Variants in CCNY observed in about 807,000 individuals in gnomAD.
CCNY encodes the protein cyclin Y.
Under a neutral mutation model 42.8 loss-of-function variants are expected in CCNY, and 19 were observed. That is an observed-to-expected ratio of 0.44 (90% CI 0.31 to 0.65). The LOEUF (loss-of-function observed/expected upper bound fraction) is 0.65, where lower values mean the gene tolerates loss of function less well. Among genes scored for constraint, CCNY ranks in the 30% least tolerant of loss-of-function variants. The pLI is 0.07. For synonymous variants in CCNY, 165 were observed against 162.7 expected (o/e 1.01, Z -0.11); for missense variants, 370 against 437.3 (o/e 0.85, Z 1.37).
At chr10:35,466,804 G>A (rs1839279621) in intron 1 of CCNY, among the ~76,000 whole-genome samples, 1 of 152,170 alleles carries the variant, frequency 6.6e-6, no homozygotes, top group South Asian at 2.1e-4. Context: ...ACAGGGTCTC[G>A]CTCTGTCACC....
At chr10:35,322,118 G>C (rs936387902) in intron 3 of CCNY, among the ~76,000 whole-genome samples, 1 of 152,216 alleles carries the variant, frequency 6.6e-6, no homozygotes, top group Non-Finnish European at 1.5e-5. Flanking sequence ...CACTATGGGA[G>C]AACGAAGCGG....
At chr10:35,427,141 G>T (rs1838289637) in intron 1 of CCNY, among the ~76,000 whole-genome samples, 1 of 152,200 alleles carries the variant, frequency 6.6e-6, no homozygotes, top group Admixed American at 6.5e-5. Flanking sequence ...AATGATCTTT[G>T]AAAAATCTAC....
chr10:35,532,754 C>A (rs1840795414), intron 7 of CCNY, among the ~76,000 whole-genome samples: 1 of 152,218 alleles, frequency 6.6e-6, no homozygotes, highest in South Asian at 2.1e-4. Flanking sequence ...CTCCACGAGG[C>A]CCTTCCCTTC....
Position 35,424,042 on chromosome 10 carries a change from C to T in CCNY, c.155-59362C>T, listed in dbSNP as rs144948101. Among the ~76,000 whole-genome samples, 325 of 152,200 alleles carry T rather than the reference C, an allele frequency of 2.1e-3. 2 individuals are homozygous for T. The highest frequency in any genetic ancestry group is 7.3e-3 in the African/African-American group (305 of 41,518). On this transcript the variant is annotated intron_variant, in intron 1 of 9. Coordinates refer to ENST00000374704, the MANE Select transcript of CCNY (RefSeq NM_145012.6). ...AGAGCCTGGCTCTGTGGCCACACTG[C>T]CTGGGGCTCTGGGGACTTGACTAAG...
chr10:35,475,594 A>AT (rs1227814873), intron 1 of CCNY, among the ~76,000 whole-genome samples: 7 of 149,558 alleles, frequency 4.7e-5, no homozygotes, highest in Middle Eastern at 3.2e-3. Flanking sequence ...ATGCTGAGAG[A>AT]TTTTGTCACC....
intron 4 of CCNY, among the ~76,000 whole-genome samples, chr10:35,523,311 C>T (rs1360595730): frequency 2.0e-5 from 3 of 152,166 alleles, no homozygotes; most frequent in Non-Finnish European, 2.9e-5. Flanking sequence ...CATCTTACTG[C>T]CTAATTAAAA....
At chr10:35,477,254 A>G (rs1168359142) in intron 1 of CCNY, among the ~76,000 whole-genome samples, 1 of 152,198 alleles carries the variant, frequency 6.6e-6, no homozygotes, top group African/African-American at 2.4e-5. Context: ...TCCAATCAAT[A>G]GAAAAAGAGG....
chr10:35,557,737 C>G (rs1203434373), intron 8 of CCNY, among the ~76,000 whole-genome samples: 1 of 152,000 alleles, frequency 6.6e-6, no homozygotes, highest in Non-Finnish European at 1.5e-5. Context: ...GCCTTAGCAA[C>G]AGAGCAAGAC....
intron 1 of CCNY, among the ~76,000 whole-genome samples, chr10:35,437,779 A>G (rs1479181862): frequency 1.3e-5 from 2 of 152,194 alleles, no homozygotes; most frequent in Non-Finnish European, 2.9e-5. Context: ...AAATACATGT[A>G]AACACCTAGC....
intron 1 of CCNY, among the ~76,000 whole-genome samples, chr10:35,402,522 G>A (rs1483453537): frequency 3.9e-5 from 6 of 152,068 alleles, no homozygotes; most frequent in Non-Finnish European, 8.8e-5. Flanking sequence ...AATATAGAGA[G>A]TCCTCTTTTT....
chr10:35,403,020 C>T (rs972651909), intron 1 of CCNY, among the ~76,000 whole-genome samples: 6 of 151,938 alleles, frequency 3.9e-5, no homozygotes, highest in African/African-American at 1.2e-4. Context: ...AAAGTGTCTA[C>T]CCTGACCAAG....
chr10:35,566,011 T>G lies in CCNY; in HGVS notation c.747-12T>G, dbSNP rs1413429013. ...CAGCTAAGCATAGGCTATTTTTGTC[T>G]TTGCTTTGCAGGAACGAGCTAGAGC... On this transcript the variant is annotated splice_polypyrimidine_tract_variant and intron_variant, in intron 8 of 9. Coordinates refer to ENST00000374704, the MANE Select transcript of CCNY (RefSeq NM_145012.6). The G allele has an allele frequency of 6.2e-7, 1 of 1,609,762 alleles. No individual in the cohort carries two copies. The highest frequency in any genetic ancestry group is 8.5e-7 in the Non-Finnish European group (1 of 1,177,918).
chr10:35,510,873 T>A (rs1307303558), intron 3 of CCNY, among the ~76,000 whole-genome samples: 1 of 152,206 alleles, frequency 6.6e-6, no homozygotes, highest in East Asian at 1.9e-4. Context: ...TGTGTGATTG[T>A]CCTCTGTAAG....
In CCNY at chr10:35,313,331, G is replaced by A. The variant is rs573865107; in HGVS notation, c.-9+62705G>A. Reference sequence around the variant, plus strand: ...TTGCAGCAAATTATTTGATTGTGAAGTATTTGTTTTCTTTATATTAAGGCA... The same window carrying A: ...TTGCAGCAAATTATTTGATTGTGAAATATTTGTTTTCTTTATATTAAGGCA... On this transcript the variant is annotated intron_variant, in intron 3 of 11. Coordinates refer to the CCNY transcript ENST00000374706. Among the ~76,000 whole-genome samples, 14 of 152,294 alleles carry A rather than the reference G, an allele frequency of 9.2e-5. No individual in the cohort carries two copies. The East Asian group carries it at 2.7e-3, about 29-fold the overall frequency.
chr10:35,272,959 ACT>A (rs776016812), intron 3 of CCNY, among the ~76,000 whole-genome samples: 3 of 150,558 alleles, frequency 2.0e-5, no homozygotes, highest in Non-Finnish European at 3.0e-5. Context: ...AATAATGGTC[ACT>A]CTGACTGGTG....
At chr10:35,283,083 C>T (rs1034517514) in intron 3 of CCNY, among the ~76,000 whole-genome samples, 5 of 152,138 alleles carry the variant, frequency 3.3e-5, no homozygotes, top group Non-Finnish European at 2.9e-5. Flanking sequence ...TTAATGAAGG[C>T]AGTGGATTCT....
At chr10:35,262,908 G>C (rs536310097) in intron 3 of CCNY, among the ~76,000 whole-genome samples, 2 of 144,858 alleles carry the variant, frequency 1.4e-5, no homozygotes, top group Middle Eastern at 3.4e-3. Context: ...CTCACTCTAA[G>C]AACAGTGTTC....
intron 1 of CCNY, among the ~76,000 whole-genome samples, chr10:35,343,316 A>G (rs575842205): frequency 6.7e-6 from 1 of 149,824 alleles, no homozygotes; most frequent in South Asian, 2.1e-4. Flanking sequence ...GAGTAATGAA[A>G]ATTAAATAAT....
At chr10:35,442,137 C>T (rs907831796) in intron 1 of CCNY, among the ~76,000 whole-genome samples, 2 of 152,190 alleles carry the variant, frequency 1.3e-5, no homozygotes, top group Non-Finnish European at 2.9e-5. Context: ...TGTCACTTAG[C>T]CTGCATGACC....
Sources: gnomAD v4.1 joint callset for allele counts (sites outside exome capture counted in the v4.1 genomes callset) on GRCh38, gnomAD v4.1.1 for gene constraint, MANE v1.5 for transcripts, NCBI Gene and HGNC (gene_info 2026-07-23, HGNC 2026-07-21) for gene names.